Variants in KCTD15 observed in about 807,000 individuals in gnomAD.
The protein encoded by KCTD15 is potassium channel tetramerization domain containing 15.
Under a neutral mutation model 27.2 loss-of-function variants are expected in KCTD15, and 11 were observed. The ratio of observed to expected loss-of-function variants is 0.41; its 90% CI spans 0.25 to 0.67. The LOEUF (loss-of-function observed/expected upper bound fraction) is 0.67, where lower values mean the gene tolerates loss of function less well. Ranked by LOEUF, KCTD15 falls within the 30% of genes least tolerant of loss-of-function variation. The pLI is 0.35. For missense variants in KCTD15, 350 were observed against 409.3 expected (o/e 0.86, Z 1.25); for synonymous variants, 163 against 176.0 (o/e 0.93, Z 0.58).
rs968067766 is a variant in KCTD15, at chr19:33,800,292, G to A, written c.-27-136G>A. On this transcript the variant is annotated intron_variant, in intron 2 of 6. Transcript: ENST00000683859. ...CAGATAGAGAGATAGTGGCGGTGGAGTCAATCAGGGAGGGCTGCATGGACC... is the reference window on the plus strand; with the variant it reads ...CAGATAGAGAGATAGTGGCGGTGGAATCAATCAGGGAGGGCTGCATGGACC... 13 of 677,738 alleles carry A rather than the reference G, an allele frequency of 1.9e-5. No individual in the cohort carries two copies. The African/African-American group carries it at 2.0e-4, about 10-fold the overall frequency. 42.0% of individuals were successfully genotyped at this position (677,738 alleles called of 1,614,324 possible). A position where few individuals can be genotyped will look rare whatever the true frequency, so the allele number is the denominator to read the frequency against.
rs1264986772 is a variant in KCTD15, at chr19:33,811,384, C to T, written c.525C>T (p.Pro175=). The T allele has an allele frequency of 1.9e-6, 3 of 1,599,098 alleles. No individual in the cohort carries two copies. The highest frequency in any genetic ancestry group is 2.6e-6 in the Non-Finnish European group (3 of 1,173,592). Residue 175 remains proline (P), a synonymous_variant, in exon 6 of 7, where the codon CCC becomes CCT. Transcript: ENST00000683859. ...ACTGCCTGGTGGTGCGCGTCACGCCCGACTTGGGCGAGCGGATCGCACTCA... is the reference window on the plus strand; with the variant it reads ...ACTGCCTGGTGGTGCGCGTCACGCCTGACTTGGGCGAGCGGATCGCACTCA... ...ACDCLVVRVT[P]DLGERIALSG... is the part of the protein sequence containing the mutation.
chr19:33,807,850 G>A (rs958070410), intron 5 of KCTD15, among the ~76,000 whole-genome samples: 2 of 152,024 alleles, frequency 1.3e-5, no homozygotes, highest in African/African-American at 4.8e-5. Context: ...TGAGGCAGGA[G>A]AATCTCTTGA....
At chr19:33,797,316 C>T in intron 1 of KCTD15, 1 of 408,338 alleles carries the variant, frequency 2.4e-6, no homozygotes, top group South Asian at 1.7e-5. Context: ...GTGGAGGTCC[C>T]CGCACTCTGG....
At chr19:33,800,358 G>C (rs1975487022) in intron 2 of KCTD15, 70 bp from the exon 3 acceptor site, 2 of 1,266,034 alleles carry the variant, frequency 1.6e-6, no homozygotes, top group East Asian at 5.1e-5. Context: ...ACAATTCTAA[G>C]TGTCTTTGAC....
At chr19:33,805,435 G>A (rs1448228534) in intron 4 of KCTD15, among the ~76,000 whole-genome samples, 1 of 152,228 alleles carries the variant, frequency 6.6e-6, no homozygotes, top group African/African-American at 2.4e-5. Flanking sequence ...AAGTGGCAGT[G>A]GGGCAGGGCC....
chr19:33,812,850 G>A lies in KCTD15; in HGVS notation c.754G>A (p.Asp252Asn), dbSNP rs1230069750. The A allele has an allele frequency of 6.5e-7, 1 of 1,540,964 alleles. No individual in the cohort carries two copies. Among genetic ancestry groups the A allele is most frequent in the Non-Finnish European group, 8.8e-7 (1 of 1,141,648 alleles). The change falls in exon 7 of 7, where the codon GAC becomes AAC. Residue 252 changes from aspartate (D) to asparagine (N), a missense_variant. By Grantham distance (23) the Asp-to-Asn change is conservative (BLOSUM62 1). Around this residue, in one of 3 missense-constraint regions of KCTD15, gnomAD observed 219 missense variants for 234.9 expected, o/e 0.93. Transcript: ENST00000683859. Reference sequence around the variant, plus strand: ...GGCTGCGTCCTGTGGGGGCGGTGTGGACTCCTCCCAGTTCAGCGAGTATGT... The same window carrying A: ...GGCTGCGTCCTGTGGGGGCGGTGTGAACTCCTCCCAGTTCAGCGAGTATGT... ...SVAASCGGGVDSSQFSEYVLC... is the reference protein window; with the variant it reads ...SVAASCGGGVNSSQFSEYVLC...
chr19:33,798,540 C>T (rs1410506998), intron 1 of KCTD15, 128 bp from the exon 2 acceptor site: 1 of 152,454 alleles, frequency 6.6e-6, no homozygotes, highest in East Asian at 1.9e-4. Context: ...CCCTCCCGAC[C>T]GCTATCGCTG....
chr19:33,811,142 G>T, intron 5 of KCTD15, 105 bp from the exon 6 acceptor site: 1 of 972,562 alleles, frequency 1.0e-6, no homozygotes, highest in Non-Finnish European at 1.5e-6. Context: ...GCGAGTCGCA[G>T]TTCCTGCAGA....
intron 4 of KCTD15, among the ~76,000 whole-genome samples, chr19:33,803,124 G>T (rs1460236398): frequency 6.6e-6 from 1 of 152,228 alleles, no homozygotes; most frequent in Non-Finnish European, 1.5e-5. Flanking sequence ...CTTCCCCAGG[G>T]CTGGGGCTCA....
chr19:33,809,063 G>GGTCA (rs1975802267), intron 5 of KCTD15, among the ~76,000 whole-genome samples: 1 of 152,042 alleles, frequency 6.6e-6, no homozygotes, highest in African/African-American at 2.4e-5. Flanking sequence ...GATCACCTGA[G>GGTCA]GTCAGGAGTT....
intron 5 of KCTD15, among the ~76,000 whole-genome samples, chr19:33,808,259 C>T (rs1012949155): frequency 6.6e-6 from 1 of 152,246 alleles, no homozygotes; most frequent in Non-Finnish European, 1.5e-5. Flanking sequence ...TCATCCAGCT[C>T]AGTTACTGAG....
intron 3 of KCTD15, 113 bp from the exon 4 acceptor site, chr19:33,801,054 T>G: frequency 1.0e-6 from 1 of 991,224 alleles, no homozygotes; most frequent in South Asian, 1.7e-5. Context: ...GCAGAAGTGA[T>G]CTGATTAGAT....
intron 6 of KCTD15, chr19:33,811,916 G>A (rs1975938594): frequency 6.4e-7 from 1 of 1,562,380 alleles, no homozygotes; most frequent in Non-Finnish European, 8.6e-7. Flanking sequence ...TGAGTGGAAA[G>A]GTGGTCTGGA....
At chr19:33,795,492 G>A (rs958438970), upstream of KCTD15, among the ~76,000 whole-genome samples, 1 of 151,840 alleles carries the variant, frequency 6.6e-6, no homozygotes, top group Admixed American at 6.6e-5. Context: ...GGCCGGAGCC[G>A]GCGGTCGGGA....
chr19:33,811,336 G>T lies in KCTD15; in HGVS notation c.477G>T (p.Gln159His). ...AGCGCTGGCAGCAGGAGCAGGAGCA[G>T]CGGCGCCGCAGCCGGGCCTGTGACT... ...ELERWQQEQE[Q>H]RRRSRACDCL... Residue 159 changes from glutamine to histidine, a missense_variant, in exon 6 of 7, where the codon CAG (glutamine) becomes CAT (histidine). Gln to His is a conservative substitution (Grantham distance 24). Coordinates refer to ENST00000683859, the MANE Select transcript of KCTD15 (RefSeq NM_001129994.2). 1 of 1,557,228 alleles carries T rather than the reference G, an allele frequency of 6.4e-7. No individual in the cohort carries two copies. Among genetic ancestry groups the T allele is most frequent in the Non-Finnish European group, 8.7e-7 (1 of 1,150,836 alleles).
At chr19:33,804,884 C>A (rs1199895870) in intron 4 of KCTD15, among the ~76,000 whole-genome samples, 3 of 152,198 alleles carry the variant, frequency 2.0e-5, no homozygotes, top group African/African-American at 7.2e-5. Context: ...GGGCTCACAG[C>A]AGACTCTGAC....
chr19:33,797,154 G>C (rs1975344587), intron 1 of KCTD15, among the ~76,000 whole-genome samples, 167 bp downstream of exon 1: 1 of 152,012 alleles, frequency 6.6e-6, no homozygotes, highest in African/African-American at 2.4e-5. Flanking sequence ...CCAGCACAAA[G>C]GCCTGGTGCA....
chr19:33,809,251 T>C (rs1975808501), intron 5 of KCTD15, among the ~76,000 whole-genome samples: 1 of 152,210 alleles, frequency 6.6e-6, no homozygotes, highest in African/African-American at 2.4e-5. Context: ...CACTCCAGCC[T>C]GGGCAACAGA....
chr19:33,802,785 G>A (rs866653699), intron 4 of KCTD15, among the ~76,000 whole-genome samples: 1 of 152,218 alleles, frequency 6.6e-6, no homozygotes, highest in African/African-American at 2.4e-5. Flanking sequence ...ATCGGTTGAC[G>A]ACGTTTGTGA....
Sources: gnomAD v4.1 joint callset for allele counts (sites outside exome capture counted in the v4.1 genomes callset) on GRCh38, gnomAD v4.1.1 for gene constraint, gnomAD v4.1.1 regional missense constraint, MANE v1.5 for transcripts, NCBI Gene and HGNC (gene_info 2026-07-23, HGNC 2026-07-21) for gene names.